The following TAF4 variants were observed in gnomAD, a reference collection of about 807,000 sequenced individuals.
The protein encoded by TAF4 is TATA-box binding protein associated factor 4.
TAF4 carries 9 observed loss-of-function variants against 90.3 expected under a neutral mutation model. The observed-to-expected ratio is 0.10, with a 90% confidence interval of 0.06 to 0.17. The LOEUF (loss-of-function observed/expected upper bound fraction) is 0.17, where lower values mean the gene tolerates loss of function less well. Among genes scored for constraint, TAF4 ranks in the 10% least tolerant of loss-of-function variants. TAF4 has a pLI of 1.00. For synonymous variants in TAF4, 818 were observed against 638.9 expected (o/e 1.28, Z -4.23); for missense variants, 1,351 against 1,370.7 (o/e 0.99, Z 0.23).
intron 2 of TAF4, among the ~76,000 whole-genome samples, chr20:62,013,757 C>G (rs961221160): frequency 6.6e-6 from 1 of 152,194 alleles, no homozygotes; most frequent in East Asian, 1.9e-4. Context: ...GAACACGCAG[C>G]GTGCGGGCAC....
At chr20:62,023,747 C>CAAAAAAAAAAAA (rs59813943) in intron 1 of TAF4, among the ~76,000 whole-genome samples, 2 of 59,566 alleles carry the variant, frequency 3.4e-5, no homozygotes, top group Admixed American at 2.7e-4. Flanking sequence ...GACTCCATCT[C>CAAAAAAAAAAAA]AAAAAAAAAA....
intron 2 of TAF4, among the ~76,000 whole-genome samples, 196 bp from the exon 3 acceptor site, chr20:62,013,130 T>C (rs1298646766): frequency 6.6e-6 from 1 of 152,224 alleles, no homozygotes; most frequent in African/African-American, 2.4e-5. Flanking sequence ...CATTTTCCTA[T>C]ACTACAATAA....
chr20:62,012,923 T>A lies in TAF4; in HGVS notation c.1533A>T (p.Thr511=), dbSNP rs200547219. The A allele has an allele frequency of 6.2e-7, 1 of 1,613,200 alleles. No homozygotes were observed. Among genetic ancestry groups the A allele is most frequent in the East Asian group, 2.2e-5 (1 of 44,864 alleles). The change falls in exon 3 of 15, where the codon ACA becomes ACT. Residue 511 remains threonine, a synonymous_variant. Coordinates refer to ENST00000252996, the MANE Select transcript of TAF4 (RefSeq NM_003185.4). ...VQISTVQAPG[T]PIIARQVTPT... is the part of the protein sequence containing the mutation. ...GGGTCACCTGCCGTGCAATGATAGGTGTTCCAGGTGCCTGAAAAATAAGCA... is the reference window on the plus strand; with the variant it reads ...GGGTCACCTGCCGTGCAATGATAGGAGTTCCAGGTGCCTGAAAAATAAGCA...
chr20:61,988,901 G>A (rs530184441), intron 14 of TAF4, among the ~76,000 whole-genome samples: 2 of 152,160 alleles, frequency 1.3e-5, no homozygotes, highest in East Asian at 1.9e-4. Context: ...CTCCACACAC[G>A]TTAACACTCA....
intron 1 of TAF4, among the ~76,000 whole-genome samples, chr20:62,050,004 A>G (rs922005486): frequency 1.3e-5 from 2 of 152,138 alleles, no homozygotes; most frequent in Admixed American, 1.3e-4. Context: ...CAAGGCAGGG[A>G]GTCAGCCTCA....
At chr20:61,997,461 C>T (rs944847716) in intron 14 of TAF4, 89 bp downstream of exon 14, 1 of 1,334,508 alleles carries the variant, frequency 7.5e-7, no homozygotes, top group Non-Finnish European at 9.7e-7. Context: ...AAGCAAATTC[C>T]CCTATGTGTG....
chr20:62,019,352 C>T (rs2055829903), intron 1 of TAF4, among the ~76,000 whole-genome samples: 1 of 152,242 alleles, frequency 6.6e-6, no homozygotes, highest in Non-Finnish European at 1.5e-5. Flanking sequence ...GGGCGCACTT[C>T]CCATGGCAGT....
intron 1 of TAF4, among the ~76,000 whole-genome samples, chr20:62,039,627 G>T (rs537846433): frequency 3.3e-5 from 5 of 152,296 alleles, no homozygotes; most frequent in African/African-American, 1.2e-4. Flanking sequence ...GGCACAAAAT[G>T]AATTCTTAAA....
chr20:61,999,772 CCT>C (rs1393847344), intron 11 of TAF4, among the ~76,000 whole-genome samples: 2 of 152,160 alleles, frequency 1.3e-5, no homozygotes, highest in African/African-American at 2.4e-5. Context: ...ATCGCGAGTC[CCT>C]GTCCCTTTTA....
intron 1 of TAF4, among the ~76,000 whole-genome samples, chr20:62,016,072 T>C (rs2055810386): frequency 6.6e-6 from 1 of 152,128 alleles, no homozygotes; most frequent in Non-Finnish European, 1.5e-5. Flanking sequence ...CAAGGCTCCG[T>C]CTCCGAGTCT....
chr20:62,009,695 C>T (rs777656664), intron 4 of TAF4, among the ~76,000 whole-genome samples: 2 of 152,108 alleles, frequency 1.3e-5, no homozygotes, highest in Non-Finnish European at 2.9e-5. Flanking sequence ...AGTGACTCTT[C>T]TGTTTTAATA....
At chr20:62,003,453 G>A (rs886607297) in intron 8 of TAF4, among the ~76,000 whole-genome samples, 179 bp from the exon 9 acceptor site, 7 of 152,106 alleles carry the variant, frequency 4.6e-5, no homozygotes, top group East Asian at 1.9e-4. Context: ...TGTACCTCTC[G>A]AGCATTTATT....
chr20:62,016,956 T>A (rs769280044), intron 1 of TAF4, among the ~76,000 whole-genome samples: 1 of 151,758 alleles, frequency 6.6e-6, no homozygotes, highest in Non-Finnish European at 1.5e-5. Flanking sequence ...GGCAATATAG[T>A]GAGACCCCAT....
chr20:62,000,266 G>A lies in TAF4; in HGVS notation c.2657-12C>T. 1.9e-6 allele frequency: 3 copies of A among 1,611,306 alleles called. No homozygotes were observed. The highest frequency in any genetic ancestry group is 1.3e-5 in the African/African-American group (1 of 74,810). ...ACCATGTTTTTTACCTAAAGGTCAG[G>A]CAAGAAAAACAGTATTTTAAAATCA... On this transcript the variant is annotated splice_polypyrimidine_tract_variant and intron_variant, in intron 10 of 14. Transcript: ENST00000252996.
Position 62,065,632 on chromosome 20 carries a change from T to C in TAF4, c.179A>G (p.Asn60Ser). 9.6e-7 allele frequency: 1 copy of C among 1,036,984 alleles called. No homozygotes were observed. The highest frequency in any genetic ancestry group is 1.2e-6 in the Non-Finnish European group (1 of 868,294). The allele number at this position is 1,036,984 out of a possible 1,614,324, so 64.2% of individuals were successfully genotyped here. A position where few individuals can be genotyped will look rare whatever the true frequency, so the allele number is the denominator to read the frequency against. ...VRAAAAGALG[N>S]HVVSGSPAGA... ...GGCCGGGCTGCCGCTCACAACATGG[T>C]TCCCGAGCGCGCCGGCGGCCGCGGC... Residue 60 changes from asparagine (N) to serine (S), a missense_variant, in exon 1 of 15, where the codon AAC becomes AGC. Around this residue, in one of 9 missense-constraint regions of TAF4, gnomAD observed 782 missense variants for 536.6 expected, o/e 1.46. Transcript: ENST00000252996.
At position 62,064,930 on chromosome 20, in the gene TAF4, G is replaced by A; in HGVS notation, c.881C>T (p.Ala294Val). ...PGHPAGPPTA[A>V]PAVPPPAAAQ... ...GGCGGCGGGGGGCGGCACGGCGGGC[G>A]CGGCGGTCGGGGGTCCGGCGGGGTG... is the stretch of plus-strand genomic sequence containing the variant. The change falls in exon 1 of 15, where the codon GCG becomes GTG. Residue 294 changes from alanine to valine, a missense_variant. Ala to Val is a moderately conservative substitution (Grantham distance 64). Around this residue, in one of 9 missense-constraint regions of TAF4, gnomAD observed 782 missense variants for 536.6 expected, o/e 1.46. Transcript: ENST00000252996. 9 of 600,958 alleles carry A rather than the reference G, an allele frequency of 1.5e-5. No individual in the cohort carries two copies. The highest frequency in any genetic ancestry group is 1.4e-5 in the Non-Finnish European group (7 of 486,206). 37.2% of individuals were successfully genotyped at this position (600,958 alleles called of 1,614,324 possible). A position where few individuals can be genotyped will look rare whatever the true frequency, so the allele number is the denominator to read the frequency against.
intron 1 of TAF4, among the ~76,000 whole-genome samples, chr20:62,057,373 G>A (rs191608169): frequency 1.3e-5 from 2 of 152,318 alleles, no homozygotes; most frequent in African/African-American, 4.8e-5. Context: ...GGGAGCCACA[G>A]ACCTTCTTAC....
At chr20:62,054,200 G>A (rs1008669804) in intron 1 of TAF4, among the ~76,000 whole-genome samples, 2 of 152,214 alleles carry the variant, frequency 1.3e-5, no homozygotes, top group African/African-American at 4.8e-5. Flanking sequence ...TCTCTCAGCA[G>A]CACAAGCATG....
intron 1 of TAF4, among the ~76,000 whole-genome samples, chr20:62,059,764 GA>G (rs2056079416): frequency 6.6e-6 from 1 of 152,210 alleles, no homozygotes; most frequent in Admixed American, 6.5e-5. Flanking sequence ...CCATGAAGAA[GA>G]AAAGCAAAGC....
Sources: allele counts gnomAD v4.1 joint callset (sites outside exome capture counted in the v4.1 genomes callset), GRCh38; gene constraint gnomAD v4.1.1; regional missense constraint gnomAD v4.1.1; transcripts MANE v1.5; gene names NCBI Gene and HGNC (gene_info 2026-07-23, HGNC 2026-07-21).